CTNNA3: variants seen among roughly 807,000 people sequenced by gnomAD.
CTNNA3 encodes catenin alpha-3.
CTNNA3 carries 76 observed loss-of-function variants against 95.7 expected under a neutral mutation model. The ratio of observed to expected loss-of-function variants is 0.79; its 90% CI spans 0.66 to 0.96. CTNNA3 has a LOEUF of 0.96. Among genes scored for constraint, CTNNA3 ranks in the 40% least tolerant of loss-of-function variants. The probability of loss-of-function intolerance (pLI) is 0.00; values close to 1 mark genes in which losing one functional copy is unlikely to be tolerated. For synonymous variants in CTNNA3, 431 were observed against 374.4 expected (o/e 1.15, Z -1.74); for missense variants, 1,191 against 1,089.8 (o/e 1.09, Z -1.31).
intron 10 of CTNNA3, among the ~76,000 whole-genome samples, chr10:66,542,503 T>C (rs1589398760): frequency 2.6e-5 from 4 of 152,006 alleles, no homozygotes; most frequent in African/African-American, 7.2e-5. Flanking sequence ...TGTCCAACAA[T>C]GATAGACTGG....
At chr10:67,704,328 A>C (rs1841063771) in intron 1 of CTNNA3, among the ~76,000 whole-genome samples, 1 of 152,236 alleles carries the variant, frequency 6.6e-6, no homozygotes, top group Non-Finnish European at 1.5e-5. Flanking sequence ...AGTCAATCTT[A>C]AGCCAAAGGA....
chr10:66,409,269 T>G (rs2093081708), intron 11 of CTNNA3, among the ~76,000 whole-genome samples: 1 of 152,104 alleles, frequency 6.6e-6, no homozygotes, highest in Non-Finnish European at 1.5e-5. Flanking sequence ...AAGAGAAATT[T>G]TGGGATTTGA....
At chr10:66,480,814 A>G (rs964749505) in intron 11 of CTNNA3, among the ~76,000 whole-genome samples, 9 of 151,996 alleles carry the variant, frequency 5.9e-5, no homozygotes, top group African/African-American at 1.9e-4. Flanking sequence ...ACTGTTAGCC[A>G]CAATGGTCTC....
intron 15 of CTNNA3, among the ~76,000 whole-genome samples, chr10:65,991,065 G>A (rs1207885329): frequency 7.2e-5 from 11 of 151,980 alleles, no homozygotes; most frequent in African/African-American, 2.7e-4. Context: ...AAAACCAGTT[G>A]GTTATAAATG....
At chr10:67,344,131 T>C (rs1408756096) in intron 5 of CTNNA3, among the ~76,000 whole-genome samples, 3 of 151,932 alleles carry the variant, frequency 2.0e-5, no homozygotes, top group Non-Finnish European at 4.4e-5. Flanking sequence ...TGATATGATA[T>C]ATCACATTGA....
chr10:67,180,863 G>T (rs1707302867), intron 6 of CTNNA3, among the ~76,000 whole-genome samples: 1 of 152,126 alleles, frequency 6.6e-6, no homozygotes, highest in Non-Finnish European at 1.5e-5. Flanking sequence ...TTGTAAGAAT[G>T]ATATAAATGC....
intron 11 of CTNNA3, among the ~76,000 whole-genome samples, chr10:66,492,892 G>A (rs887788706): frequency 6.6e-6 from 1 of 152,214 alleles, no homozygotes. Flanking sequence ...GGAGTTGAAT[G>A]GTTCTGCATT....
At chr10:66,227,858 T>C (rs765981501) in intron 13 of CTNNA3, among the ~76,000 whole-genome samples, 3 of 152,204 alleles carry the variant, frequency 2.0e-5, no homozygotes, top group African/African-American at 7.2e-5. Flanking sequence ...TTACTCATTA[T>C]TGGTCTGGTT....
chr10:67,543,938 T>C (rs1307035314), intron 3 of CTNNA3, among the ~76,000 whole-genome samples: 2 of 151,944 alleles, frequency 1.3e-5, no homozygotes, highest in Non-Finnish European at 2.9e-5. Context: ...CTTACACAGA[T>C]GTTAAAAAAA....
At chr10:66,332,025 C>T (rs1379097985) in intron 12 of CTNNA3, among the ~76,000 whole-genome samples, 1 of 151,976 alleles carries the variant, frequency 6.6e-6, no homozygotes, top group Non-Finnish European at 1.5e-5. Context: ...TGGGAGTTCA[C>T]TCATGATTTG....
At chr10:67,726,415 A>AATATTATATATGAAATTATAT (rs1564841102) in intron 1 of CTNNA3, among the ~76,000 whole-genome samples, 1,977 of 58,156 alleles carry the variant, frequency 0.034, 93 homozygotes, top group African/African-American at 0.12. Context: ...TATCATATAT[A>AATATTATATATGAAATTATAT]ATATTATATA....
At chr10:66,269,597 T>G (rs3923260) in intron 13 of CTNNA3, among the ~76,000 whole-genome samples, 3 of 152,184 alleles carry the variant, frequency 2.0e-5, no homozygotes, top group African/African-American at 7.2e-5. Context: ...CATTGCAATA[T>G]AAGACAGTAT....
At chr10:66,043,990 G>A (rs1302993229) in intron 15 of CTNNA3, among the ~76,000 whole-genome samples, 3 of 145,202 alleles carry the variant, frequency 2.1e-5, no homozygotes, top group Admixed American at 1.4e-4. Flanking sequence ...GTGTGTGTGT[G>A]TGTGTTTGTG....
At chr10:66,395,815 C>A (rs1275368630) in intron 11 of CTNNA3, among the ~76,000 whole-genome samples, 3 of 151,876 alleles carry the variant, frequency 2.0e-5, no homozygotes, top group Non-Finnish European at 4.4e-5. Flanking sequence ...TATATTGTTT[C>A]AGATTCAGGG....
intron 1 of CTNNA3, among the ~76,000 whole-genome samples, chr10:67,686,043 T>C (rs1326589771): frequency 6.6e-6 from 1 of 152,226 alleles, no homozygotes; most frequent in Non-Finnish European, 1.5e-5. Context: ...ACTCCTTGGG[T>C]TTTTGCATTG....
intron 15 of CTNNA3, among the ~76,000 whole-genome samples, chr10:66,062,153 T>A (rs1256280390): frequency 6.6e-6 from 1 of 152,144 alleles, no homozygotes; most frequent in Admixed American, 6.6e-5. Context: ...CAAGAAAACA[T>A]GTTTTTCTCA....
intron 3 of CTNNA3, among the ~76,000 whole-genome samples, chr10:67,567,408 TGG>T (rs1259842316): frequency 1.3e-5 from 2 of 151,792 alleles, no homozygotes; most frequent in Non-Finnish European, 2.9e-5. Flanking sequence ...ATGTAGAAAG[TGG>T]AATGATTGAT....
At chr10:67,187,555 T>C (rs1164562350) in intron 6 of CTNNA3, among the ~76,000 whole-genome samples, 2 of 152,048 alleles carry the variant, frequency 1.3e-5, no homozygotes, top group African/African-American at 2.4e-5. Context: ...TCTCTCTTTC[T>C]TTCTCTCTCT....
intron 13 of CTNNA3, among the ~76,000 whole-genome samples, chr10:66,123,605 C>T (rs749549615): frequency 2.6e-5 from 4 of 152,206 alleles, no homozygotes; most frequent in Admixed American, 6.5e-5. Context: ...CCCTTCTGCA[C>T]TGTCCTAGCA....
Sources: gnomAD v4.1 joint callset for allele counts (sites outside exome capture counted in the v4.1 genomes callset) on GRCh38, gnomAD v4.1.1 for gene constraint, MANE v1.5 for transcripts, NCBI Gene and HGNC (gene_info 2026-07-23, HGNC 2026-07-21) for gene names.